Variants in ATP2A3 observed in about 807,000 individuals in gnomAD.
ATP2A3 encodes sarcoplasmic/endoplasmic reticulum calcium ATPase 3.
In ATP2A3, 61 loss-of-function variants were observed where a neutral mutation model predicts 106.8. The observed-to-expected ratio is 0.57, with a 90% CI of 0.46 to 0.71. The LOEUF (loss-of-function observed/expected upper bound fraction) is 0.71, where lower values mean the gene tolerates loss of function less well. Among genes scored for constraint, ATP2A3 ranks in the 30% least tolerant of loss-of-function variants. ATP2A3 has a pLI of 0.00. For synonymous variants in ATP2A3, 611 were observed against 609.3 expected (o/e 1.00, Z -0.04); for missense variants, 1,201 against 1,423.5 (o/e 0.84, Z 2.52).
At chr17:3,956,829 G>A (rs968573341) in intron 1 of ATP2A3, among the ~76,000 whole-genome samples, 1 of 152,148 alleles carries the variant, frequency 6.6e-6, no homozygotes, top group Admixed American at 6.5e-5. Context: ...GGCTTCCTCC[G>A]CAAAGCTCCC....
In ATP2A3 at chr17:3,925,695, A is replaced by T. The variant is rs1194109672; in HGVS notation, c.2981-254T>A. On this transcript the variant is annotated intron_variant, in intron 20 of 20. Coordinates refer to ENST00000397041, the MANE Select transcript of ATP2A3 (RefSeq NM_005173.4). This position sits in a 1 kb window ranked among gnomAD's most constrained non-coding sequence, Gnocchi z 4.2. ...AGCACCCCCAAACCCTCCAGTACAT[A>T]CTCTCCTGGTTTTCATTTTGGGGAA... Among the ~76,000 whole-genome samples, 1 of 147,922 alleles carries T rather than the reference A, an allele frequency of 6.8e-6. No homozygotes were observed. Among genetic ancestry groups the T allele is most frequent in the Non-Finnish European group, 1.5e-5 (1 of 67,002 alleles).
In ATP2A3 at chr17:3,926,041, C is replaced by T. The variant is rs1297805947; in HGVS notation, c.2981-600G>A. 6.6e-6 allele frequency among the ~76,000 whole-genome samples: 1 copy of T among 151,612 alleles called. No individual in the cohort carries two copies. The highest frequency in any genetic ancestry group is 2.4e-5 in the African/African-American group (1 of 41,234). On this transcript the variant is annotated intron_variant, in intron 20 of 20. Coordinates refer to ENST00000397041, the MANE Select transcript of ATP2A3 (RefSeq NM_005173.4). This position sits in a 1 kb window ranked among gnomAD's most constrained non-coding sequence, Gnocchi z 4.6. Reference sequence around the variant, plus strand: ...TCTGTCCCCAATACAACCACCACAGCCCAGCCCCCACGCCTCCCCTGACAA... The same window carrying T: ...TCTGTCCCCAATACAACCACCACAGTCCAGCCCCCACGCCTCCCCTGACAA...
chr17:3,958,487 G>A (rs902506892), intron 1 of ATP2A3, among the ~76,000 whole-genome samples: 6 of 151,950 alleles, frequency 3.9e-5, no homozygotes, highest in African/African-American at 1.5e-4. Flanking sequence ...ACTTTAGCAC[G>A]GGCTTCAGGG....
Position 3,936,815 on chromosome 17 carries a change from C to T in ATP2A3, c.2322-346G>A. 1 of 388,752 alleles carries T rather than the reference C, an allele frequency of 2.6e-6. No individual in the cohort carries two copies. Among genetic ancestry groups the T allele is most frequent in the Non-Finnish European group, 4.9e-6 (1 of 203,460 alleles). The allele number at this position is 388,752 out of a possible 1,614,324, so 24.1% of individuals were successfully genotyped here. A position where few individuals can be genotyped will look rare whatever the true frequency, so the allele number is the denominator to read the frequency against. On this transcript the variant is annotated intron_variant, in intron 15 of 20. Transcript: ENST00000397041. This position sits in a 1 kb window ranked among gnomAD's most constrained non-coding sequence, Gnocchi z 5.4. ...GTGCAAAAACCTAGCACATGCCACA[C>T]CATCCGGCAAACACAAGCAAACACC...
At chr17:3,931,585 G>GCC (rs1487836745) in intron 17 of ATP2A3, among the ~76,000 whole-genome samples, 3 of 149,528 alleles carry the variant, frequency 2.0e-5, no homozygotes, top group African/African-American at 7.4e-5. Context: ...GCAGTGGCAT[G>GCC]ATCTCGGCTC....
At chr17:3,960,711 G>C (rs2055089737) in intron 1 of ATP2A3, among the ~76,000 whole-genome samples, 2 of 152,244 alleles carry the variant, frequency 1.3e-5, no homozygotes, top group African/African-American at 2.4e-5. Context: ...GACTGGCACA[G>C]ATCAGACCGT....
At chr17:3,940,801 C>G (rs548720677) in intron 14 of ATP2A3, among the ~76,000 whole-genome samples, 170 bp downstream of exon 14, 1 of 152,328 alleles carries the variant, frequency 6.6e-6, no homozygotes, top group East Asian at 1.9e-4. Flanking sequence ...AGCCACCGCG[C>G]CTGGCCCAGA....
At position 3,925,750 on chromosome 17, in the gene ATP2A3, C is replaced by T. The variant is rs1451365933; in HGVS notation, c.2981-309G>A. Among the ~76,000 whole-genome samples, 1 of 152,076 alleles carries T rather than the reference C, an allele frequency of 6.6e-6. No homozygotes were observed. Among genetic ancestry groups the T allele is most frequent in the Non-Finnish European group, 1.5e-5 (1 of 68,014 alleles). On this transcript the variant is annotated intron_variant, in intron 20 of 20. Transcript: ENST00000397041. This position sits in a 1 kb window ranked among gnomAD's most constrained non-coding sequence, Gnocchi z 4.2. ...CACCCATTATCGTAAGGTTCAGACACCAGGCTCATCCTTGCTTCTCTTGCC... is the reference window on the plus strand; with the variant it reads ...CACCCATTATCGTAAGGTTCAGACATCAGGCTCATCCTTGCTTCTCTTGCC...
chr17:3,950,430 C>G, intron 7 of ATP2A3, 81 bp downstream of exon 7: 1 of 1,482,850 alleles, frequency 6.7e-7, no homozygotes, highest in Admixed American at 1.7e-5. Flanking sequence ...TCCCAAAGTG[C>G]TGGGATTACA....
At chr17:3,944,976 G>A (rs1288784478) in intron 9 of ATP2A3, 84 bp downstream of exon 9, 3 of 1,303,550 alleles carry the variant, frequency 2.3e-6, no homozygotes, top group East Asian at 3.3e-5. Context: ...CGCCCCCAGG[G>A]GCCTCCCACG....
Position 3,951,701 on chromosome 17 carries a change from T to G in ATP2A3, c.220-16A>C, listed in dbSNP as rs1405459871. On this transcript the variant is annotated splice_polypyrimidine_tract_variant and intron_variant, in intron 3 of 20. Coordinates refer to ENST00000397041, the MANE Select transcript of ATP2A3 (RefSeq NM_005173.4). ...AGGCCAGGACCTGCAGGATCACAGC[T>G]GGTGAGCTCAGGCCCTGCTGCGGGC... The G allele has an allele frequency of 6.3e-7, 1 of 1,599,960 alleles. No individual in the cohort carries two copies. The highest frequency in any genetic ancestry group is 1.3e-5 in the African/African-American group (1 of 74,712).
Position 3,953,812 on chromosome 17 carries a change from C to T in ATP2A3, c.119-102G>A. ...TGGCAGTGCCTCCCCACCGTGCCCG[C>T]CCAGACCCCCACCACGGACTGGATG... On this transcript the variant is annotated intron_variant, in intron 1 of 20. Transcript: ENST00000397041. The surrounding 1 kb of genome is among the most constrained non-coding windows in gnomAD (Gnocchi z 5.1). 3 of 1,263,590 alleles carry T rather than the reference C, an allele frequency of 2.4e-6. No individual in the cohort carries two copies. The highest frequency in any genetic ancestry group is 3.4e-6 in the Non-Finnish European group (3 of 886,644). The allele number at this position is 1,263,590 out of a possible 1,614,324, so 78.3% of individuals were successfully genotyped here.
In ATP2A3 at chr17:3,936,176, C is replaced by G; in HGVS notation, c.2524+91G>C. On this transcript the variant is annotated intron_variant, in intron 16 of 20. Transcript: ENST00000397041. The surrounding 1 kb of genome is among the most constrained non-coding windows in gnomAD (Gnocchi z 5.4). ...TCATACAGTTTCTACTGGCACAAGC[C>G]AGGCTGAGTCACACTGTCTGCAGCT... is the stretch of plus-strand genomic sequence containing the variant. 6.6e-7 allele frequency: 1 copy of G among 1,513,396 alleles called. No homozygotes were observed. Among genetic ancestry groups the G allele is most frequent in the Admixed American group, 1.7e-5 (1 of 59,706 alleles). 93.7% of individuals were successfully genotyped at this position (1,513,396 alleles called of 1,614,324 possible).
At chr17:3,934,468 C>T (rs1019255080) in intron 17 of ATP2A3, among the ~76,000 whole-genome samples, 2 of 151,820 alleles carry the variant, frequency 1.3e-5, no homozygotes, top group Non-Finnish European at 2.9e-5. Context: ...ACTTTGGCCT[C>T]CCAAAGTACT....
chr17:3,937,087 G>T, intron 15 of ATP2A3: 1 of 420,322 alleles, frequency 2.4e-6, no homozygotes, highest in Non-Finnish European at 4.5e-6. Context: ...TTCGCACACG[G>T]ACACACACAC....
At chr17:3,950,668 C>T (rs1480365180) in intron 6 of ATP2A3, 25 bp downstream of exon 6, 2 of 1,613,252 alleles carry the variant, frequency 1.2e-6, no homozygotes, top group African/African-American at 1.3e-5. Flanking sequence ...CCCACTAGGT[C>T]CCGGCCTCCT....
At chr17:3,927,855 G>A in intron 20 of ATP2A3, 2 of 1,550,436 alleles carry the variant, frequency 1.3e-6, no homozygotes, top group South Asian at 1.2e-5. Context: ...TGCCAGAGGT[G>A]GCCCCCAACG....
intron 17 of ATP2A3, among the ~76,000 whole-genome samples, chr17:3,933,242 C>T (rs1251236190): frequency 1.3e-5 from 2 of 151,332 alleles, no homozygotes; most frequent in Non-Finnish European, 1.5e-5. Context: ...GATCGCGCCA[C>T]TGCACTCCAG....
intron 20 of ATP2A3, chr17:3,927,834 G>T: frequency 1.1e-5 from 17 of 1,536,446 alleles, no homozygotes; most frequent in Middle Eastern, 2.1e-4. Context: ...CACTCCCCTG[G>T]GGCACATTCC....
Sources: gnomAD v4.1 joint callset for allele counts (sites outside exome capture counted in the v4.1 genomes callset) on GRCh38, gnomAD v4.1.1 for gene constraint, Gnocchi (gnomAD v3.1) non-coding constraint, MANE v1.5 for transcripts, NCBI Gene and HGNC (gene_info 2026-07-23, HGNC 2026-07-21) for gene names.